SEMA5B: variants seen among roughly 807,000 people sequenced by gnomAD.
SEMA5B encodes semaphorin-5B.
SEMA5B carries 66 observed loss-of-function variants against 135.0 expected under a neutral mutation model. That is an observed-to-expected ratio of 0.49 (90% CI 0.40 to 0.60). The LOEUF is 0.60. Among genes scored for constraint, SEMA5B ranks in the 20% least tolerant of loss-of-function variants. The probability of loss-of-function intolerance (pLI) is 0.00; values close to 1 mark genes in which losing one functional copy is unlikely to be tolerated. For missense variants in SEMA5B, 1,501 were observed against 1,566.3 expected (o/e 0.96, Z 0.70); for synonymous variants, 690 against 639.5 (o/e 1.08, Z -1.19).
intron 2 of SEMA5B, among the ~76,000 whole-genome samples, chr3:122,954,788 T>C (rs2107578727): frequency 7.0e-6 from 1 of 141,982 alleles, no homozygotes; most frequent in East Asian, 2.0e-4. Context: ...TGTGGGGTGG[T>C]CATCTTTTTT....
chr3:122,959,675 T>C (rs1302390808), intron 2 of SEMA5B, among the ~76,000 whole-genome samples: 1 of 152,186 alleles, frequency 6.6e-6, no homozygotes, highest in Non-Finnish European at 1.5e-5. Flanking sequence ...TGGAGGAAGA[T>C]GGACCAAATG....
At chr3:122,949,832 A>G (rs1454064917) in intron 2 of SEMA5B, among the ~76,000 whole-genome samples, 1 of 152,162 alleles carries the variant, frequency 6.6e-6, no homozygotes, top group Non-Finnish European at 1.5e-5. Context: ...GCACAAGAAG[A>G]CAGGCTTCAA....
At chr3:122,943,257 C>T (rs1576353808) in intron 4 of SEMA5B, among the ~76,000 whole-genome samples, 179 bp downstream of exon 4, 1 of 152,180 alleles carries the variant, frequency 6.6e-6, no homozygotes, top group Admixed American at 6.5e-5. Flanking sequence ...CCCCCACCCC[C>T]ACCCAGCCGA....
At chr3:122,974,265 A>G (rs1941232977) in intron 1 of SEMA5B, among the ~76,000 whole-genome samples, 1 of 152,010 alleles carries the variant, frequency 6.6e-6, no homozygotes, top group South Asian at 2.1e-4. Context: ...TCCCAGCCCT[A>G]CTCCCATTGC....
intron 4 of SEMA5B, among the ~76,000 whole-genome samples, chr3:122,940,003 G>A (rs1292767241): frequency 6.6e-6 from 1 of 152,098 alleles, no homozygotes; most frequent in East Asian, 1.9e-4. Context: ...ATCTCCTGCA[G>A]TCTCTCCAGC....
chr3:123,027,005 T>C (rs1044151748), intron 1 of SEMA5B: 1 of 152,596 alleles, frequency 6.6e-6, no homozygotes, highest in African/African-American at 2.4e-5. Context: ...TTTCACACTC[T>C]GGGCGGGCCA....
chr3:122,931,655 G>A (rs780820161), intron 5 of SEMA5B, among the ~76,000 whole-genome samples: 2 of 152,178 alleles, frequency 1.3e-5, no homozygotes, highest in Non-Finnish European at 2.9e-5. Context: ...AGAGTTGTCA[G>A]TGCTCATTTT....
Position 122,912,844 on chromosome 3 carries a change from T to C in SEMA5B, c.2724A>G (p.Pro908=). ...EYQDCNPQAC[P]VRGAWSCWTS... is the part of the protein sequence containing the mutation. Reference sequence around the variant, plus strand: ...AGGATTCCTTCCGTGCAGGGTTACCTGGGCAAGCCTGGGGGTTGCAGTCCT... The same window carrying C: ...AGGATTCCTTCCGTGCAGGGTTACCCGGGCAAGCCTGGGGGTTGCAGTCCT... Residue 908 remains proline, a splice_region_variant and synonymous_variant, in exon 18 of 23, where the codon CCA becomes CCG. Transcript: ENST00000357599. The C allele has an allele frequency of 6.4e-7, 1 of 1,571,092 alleles. No homozygotes were observed.
intron 1 of SEMA5B, among the ~76,000 whole-genome samples, chr3:122,986,595 G>T (rs1461467236): frequency 1.5e-5 from 2 of 137,906 alleles, no homozygotes; most frequent in African/African-American, 3.0e-5. Flanking sequence ...GAGCATATTT[G>T]TGTGTGTGTG....
intron 5 of SEMA5B, 75 bp from the exon 6 acceptor site, chr3:122,929,133 A>C: frequency 7.0e-7 from 1 of 1,434,304 alleles, no homozygotes; most frequent in Non-Finnish European, 9.7e-7. Flanking sequence ...CAGAGCAGGC[A>C]GCAGCCAGTG....
In SEMA5B at chr3:122,925,245, C is replaced by A. The variant is rs967782572; in HGVS notation, c.1136+1147G>T. ...GTGCAGCCAGTGCCTTCCTTGGTCT[C>A]GGTGCCCACCCATCACTGTCTATAT... On this transcript the variant is annotated intron_variant, in intron 9 of 22. Coordinates refer to ENST00000357599, the MANE Select transcript of SEMA5B (RefSeq NM_001031702.4). Among the ~76,000 whole-genome samples, 3 of 152,080 alleles carry A rather than the reference C, an allele frequency of 2.0e-5. No individual in the cohort carries two copies. In the East Asian group the frequency reaches 5.8e-4, roughly 29 times the overall value.
At chr3:123,016,720 G>A (rs1942567253) in intron 1 of SEMA5B, among the ~76,000 whole-genome samples, 1 of 150,898 alleles carries the variant, frequency 6.6e-6, no homozygotes, top group Non-Finnish European at 1.5e-5. Context: ...GACTACAGGT[G>A]CATAACACCA....
intron 1 of SEMA5B, among the ~76,000 whole-genome samples, chr3:123,015,887 T>C (rs895798956): frequency 1.3e-5 from 2 of 152,136 alleles, no homozygotes; most frequent in African/African-American, 2.4e-5. Flanking sequence ...TTGAGATTCT[T>C]ACCTATTTAA....
rs1309044084 is a variant in SEMA5B, at chr3:122,963,502, AAAGAAAAAG to A, written c.-38-2210_-38-2202del. Among the ~76,000 whole-genome samples the A allele has an allele frequency of 3.8e-5, 5 of 131,654 alleles. No individual in the cohort carries two copies. The East Asian group carries it at 8.5e-4, about 22-fold the overall frequency. 86.4% of individuals were successfully genotyped at this position (131,654 alleles called of 152,430 possible). ...AGCGAGTCTCTGACTCAAAAAAAAA[AAAGAAAAAG>A]AAAAAGAAAAAGAAAAGAAAAAGCT... On this transcript the variant is annotated intron_variant, in intron 1 of 22. Coordinates refer to ENST00000357599, the MANE Select transcript of SEMA5B (RefSeq NM_001031702.4).
At chr3:122,951,832 C>A (rs919735463) in intron 2 of SEMA5B, among the ~76,000 whole-genome samples, 1 of 152,174 alleles carries the variant, frequency 6.6e-6, no homozygotes, top group African/African-American at 2.4e-5. Context: ...AGTTTTGCCC[C>A]AACCCTTCCT....
chr3:122,946,272 C>T (rs974212822), intron 3 of SEMA5B, among the ~76,000 whole-genome samples: 3 of 152,094 alleles, frequency 2.0e-5, no homozygotes, highest in African/African-American at 4.8e-5. Context: ...GCTTGGCCCC[C>T]CTTAAGAGAA....
At chr3:123,009,991 G>T (rs1486994316) in intron 1 of SEMA5B, among the ~76,000 whole-genome samples, 1 of 152,232 alleles carries the variant, frequency 6.6e-6, no homozygotes, top group African/African-American at 2.4e-5. Context: ...GAAGACAAAG[G>T]CAGGAAAAGG....
At chr3:122,974,546 G>A (rs901037044) in intron 1 of SEMA5B, among the ~76,000 whole-genome samples, 5 of 152,236 alleles carry the variant, frequency 3.3e-5, no homozygotes, top group Admixed American at 6.5e-5. Flanking sequence ...GGGAGAGTGA[G>A]GCAGGGACAC....
intron 1 of SEMA5B, among the ~76,000 whole-genome samples, chr3:122,985,230 C>G (rs1390956089): frequency 1.3e-5 from 2 of 152,170 alleles, no homozygotes; most frequent in Non-Finnish European, 2.9e-5. Flanking sequence ...CAGTGGCTCA[C>G]ACCTGTAATC....
Sources: gnomAD v4.1 joint callset for allele counts (sites outside exome capture counted in the v4.1 genomes callset) on GRCh38, gnomAD v4.1.1 for gene constraint, MANE v1.5 for transcripts, NCBI Gene and HGNC (gene_info 2026-07-23, HGNC 2026-07-21) for gene names.